Variants in TPO observed in about 807,000 individuals in gnomAD.
The protein encoded by TPO is thyroid microsomal antigen.
A neutral mutation model predicts 96.9 loss-of-function variants in TPO; 78 were observed. That is an observed-to-expected ratio of 0.81 (90% CI 0.67 to 0.97). TPO has a LOEUF of 0.97. Among genes scored for constraint, TPO ranks in the 50% least tolerant of loss-of-function variants. The probability of loss-of-function intolerance (pLI) is 0.00; values close to 1 mark genes in which losing one functional copy is unlikely to be tolerated. For synonymous variants in TPO, 547 were observed against 538.0 expected, an observed-to-expected ratio of 1.02 and a Z score of -0.23; for missense variants, 1,252 against 1,274.8, an observed-to-expected ratio of 0.98 and a Z score of 0.27.
chr2:1,496,226 T>TTACAGCAC, intron 12 of TPO, 29 bp downstream of exon 12: 1 of 1,605,986 alleles, frequency 6.2e-7, no homozygotes, highest in South Asian at 1.1e-5. Context: ...TCACACCACG[T>TTACAGCAC]TACAGCACGT....
chr2:1,453,919 G>A (rs181974531), intron 6 of TPO, 96 bp downstream of exon 6: 3 of 1,554,250 alleles, frequency 1.9e-6, no homozygotes, highest in African/African-American at 2.7e-5. Flanking sequence ...CTCGTGCTGG[G>A]TGCTGCGTGC....
chr2:1,393,849 C>T (rs911331091), intron 1 of TPO, among the ~76,000 whole-genome samples: 2 of 152,156 alleles, frequency 1.3e-5, no homozygotes, highest in Non-Finnish European at 2.9e-5. Flanking sequence ...CTAAATATTT[C>T]ACTTCTTCTT....
At position 1,496,219 on chromosome 2, in the gene TPO, C is replaced by T. The variant is rs147142465; in HGVS notation, c.2215+22C>T. 32 of 1,610,056 alleles carry T rather than the reference C, an allele frequency of 2.0e-5. No homozygotes were observed. In the East Asian group the frequency reaches 6.2e-4, roughly 31 times the overall value. On this transcript the variant is annotated intron_variant, in intron 12 of 16. Transcript: ENST00000329066. ...CAAGGTGAAGTTCGGTCTCCTCTCACACCACGTTACAGCACGTGCATCTCA... is the reference window on the plus strand; with the variant it reads ...CAAGGTGAAGTTCGGTCTCCTCTCATACCACGTTACAGCACGTGCATCTCA...
intron 14 of TPO, among the ~76,000 whole-genome samples, chr2:1,508,883 C>T (rs1417300583): frequency 6.6e-6 from 1 of 152,166 alleles, no homozygotes; most frequent in Non-Finnish European, 1.5e-5. Context: ...ATCTCTATTT[C>T]CTTCAGTTCT....
chr2:1,388,483 C>T (rs559603854), intron 1 of TPO, among the ~76,000 whole-genome samples: 20 of 152,300 alleles, frequency 1.3e-4, no homozygotes, highest in Non-Finnish European at 2.1e-4. Flanking sequence ...GTGAGCGAGG[C>T]TCTGTGGGTG....
chr2:1,401,514 C>T (rs1159752268), intron 1 of TPO, among the ~76,000 whole-genome samples: 3 of 152,102 alleles, frequency 2.0e-5, no homozygotes, highest in East Asian at 1.9e-4. Flanking sequence ...GTCCTCCCAG[C>T]GAGAATGCTG....
At chr2:1,526,613 CTG>C (rs1281057910) in intron 15 of TPO, among the ~76,000 whole-genome samples, 1 of 126,714 alleles carries the variant, frequency 7.9e-6, no homozygotes, top group Non-Finnish European at 1.7e-5. Context: ...CCCCCCAACT[CTG>C]TGCAACCTCC....
chr2:1,444,511 T>G (rs1334697114), intron 5 of TPO, among the ~76,000 whole-genome samples: 2 of 105,702 alleles, frequency 1.9e-5, no homozygotes, highest in African/African-American at 3.8e-5. Flanking sequence ...TGGGGCAGGC[T>G]CCTTCTTGTT....
chr2:1,448,537 G>A (rs1235674420), intron 5 of TPO, among the ~76,000 whole-genome samples: 1 of 152,158 alleles, frequency 6.6e-6, no homozygotes, highest in African/African-American at 2.4e-5. Context: ...CTCCTTGCAC[G>A]CTGTCCACAG....
At chr2:1,494,079 C>T (rs1672084031) in intron 11 of TPO, 40 bp downstream of exon 11, 1 of 1,595,314 alleles carries the variant, frequency 6.3e-7, no homozygotes, top group Admixed American at 1.7e-5. Context: ...ACGTTCTGCA[C>T]AGAGGCAGGT....
chr2:1,429,044 C>T (rs534964128), intron 3 of TPO, among the ~76,000 whole-genome samples: 29 of 152,228 alleles, frequency 1.9e-4, no homozygotes, highest in Middle Eastern at 3.4e-3. Context: ...ATATAAAACA[C>T]GTGTTTTATA....
chr2:1,495,804 G>A (rs1211405193), intron 11 of TPO, among the ~76,000 whole-genome samples, 185 bp from the exon 12 acceptor site: 2 of 152,138 alleles, frequency 1.3e-5, no homozygotes, highest in Non-Finnish European at 2.9e-5. Flanking sequence ...TGGGGGTCTG[G>A]GCAGACGCCA....
At chr2:1,532,847 C>T (rs1380367837) in intron 15 of TPO, among the ~76,000 whole-genome samples, 1 of 74,930 alleles carries the variant, frequency 1.3e-5, no homozygotes, top group Non-Finnish European at 2.4e-5. Context: ...CTCCCCAAAT[C>T]CCCCCCACTC....
chr2:1,531,727 C>CAAGCTCCCCAAATCACCCCCACTCTCTGT (rs1678300582), intron 15 of TPO, among the ~76,000 whole-genome samples: 1 of 52,970 alleles, frequency 1.9e-5, no homozygotes, highest in Non-Finnish European at 3.7e-5. Flanking sequence ...CCACTCTCTG[C>CAAGCTCCCCAAATCACCCCCACTCTCTGT]AACCTCCCCA....
chr2:1,477,505 G>A lies in TPO; in HGVS notation c.1239G>A (p.Glu413=). The change falls in exon 8 of 17, where the codon GAG becomes GAA. Residue 413 remains glutamate (E), a synonymous_variant. Coordinates refer to ENST00000329066, the MANE Select transcript of TPO (RefSeq NM_001206744.2). The stretch of plus-strand genomic sequence containing the variant: ...CACTGCACACGCTGTGGCTGCGCGA[G>A]CACAACCGCCTGGCCGCGGCGCTCA... ...LTALHTLWLR[E]HNRLAAALKA... is the part of the protein sequence containing the mutation. 1.3e-6 allele frequency: 2 copies of A among 1,531,988 alleles called. No individual in the cohort carries two copies. The highest frequency in any genetic ancestry group is 1.7e-6 in the Non-Finnish European group (2 of 1,144,642). The allele number at this position is 1,531,988 out of a possible 1,614,324, so 94.9% of individuals were successfully genotyped here. A position where few individuals can be genotyped will look rare whatever the true frequency, so the allele number is the denominator to read the frequency against.
At chr2:1,416,977 G>C (rs563086948) in intron 2 of TPO, among the ~76,000 whole-genome samples, 6 of 152,290 alleles carry the variant, frequency 3.9e-5, no homozygotes, top group African/African-American at 1.4e-4. Flanking sequence ...GGTCCTGCTT[G>C]GTGGGTGGCT....
rs9678281 is a variant in TPO at position 1,414,420 on chromosome 2, C to T, written c.12C>T (p.Leu4=). The T allele has an allele frequency of 5.5e-5, 88 of 1,613,116 alleles. 1 individual carries two copies. In the African/African-American group the frequency reaches 6.9e-4, roughly 13 times the overall value. Residue 4 remains leucine (L), a synonymous_variant, in exon 2 of 17, where the codon CTC becomes CTT. Coordinates refer to ENST00000329066, the MANE Select transcript of TPO (RefSeq NM_001206744.2). Reference sequence around the variant, plus strand: ...CCGTTAATTTTAGAATGAGAGCGCTCGCTGTGCTGTCTGTCACGCTGGTTA... The same window carrying T: ...CCGTTAATTTTAGAATGAGAGCGCTTGCTGTGCTGTCTGTCACGCTGGTTA... MRA[L]AVLSVTLVMA...
chr2:1,528,742 T>TA (rs1469994510), intron 15 of TPO, among the ~76,000 whole-genome samples: 1 of 75,210 alleles, frequency 1.3e-5, no homozygotes, highest in Non-Finnish European at 2.4e-5. Flanking sequence ...CCTCCCCAAA[T>TA]CCCCCACACT....
At chr2:1,494,720 A>T (rs1240925516) in intron 11 of TPO, among the ~76,000 whole-genome samples, 1 of 152,068 alleles carries the variant, frequency 6.6e-6, no homozygotes, top group East Asian at 1.9e-4. Context: ...GCAATAGGAA[A>T]ATGTTTTCTT....
Sources: gnomAD v4.1 joint callset for allele counts (sites outside exome capture counted in the v4.1 genomes callset) on GRCh38, gnomAD v4.1.1 for gene constraint, MANE v1.5 for transcripts, NCBI Gene and HGNC (gene_info 2026-07-23, HGNC 2026-07-21) for gene names.